The following PRDM15 variants were observed in gnomAD, a reference collection of about 807,000 sequenced individuals.
PRDM15 encodes the protein PR/SET domain 15, also known as PR domain zinc finger protein 15.
PRDM15 carries 64 observed loss-of-function variants against 128.6 expected under a neutral mutation model. That is an observed-to-expected ratio of 0.50 (90% CI 0.41 to 0.61). The LOEUF is 0.61. Ranked by LOEUF, PRDM15 falls within the 20% of genes least tolerant of loss-of-function variation. The pLI, the probability that PRDM15 is intolerant of heterozygous loss-of-function variation, is 0.00. For missense variants in PRDM15, 1,242 were observed against 1,569.1 expected (o/e 0.79, Z 3.52); for synonymous variants, 615 against 621.8 (o/e 0.99, Z 0.16).
chr21:41,800,225 C>G lies in PRDM15; in HGVS notation c.*1015G>C, dbSNP rs935888058. ...TAAACAGAAGGAAAATATGACTTTTCCCCCGTTTCTTCCACTCGGGATTCT... is the reference window on the plus strand; with the variant it reads ...TAAACAGAAGGAAAATATGACTTTTGCCCCGTTTCTTCCACTCGGGATTCT... On this transcript the variant is annotated 3_prime_UTR_variant, in exon 24 of 24. Transcript: ENST00000398548. 6.6e-6 allele frequency: 1 copy of G among 152,232 alleles called. No homozygotes were observed. Among genetic ancestry groups the G allele is most frequent in the Non-Finnish European group, 1.5e-5 (1 of 68,046 alleles). 9.4% of individuals were successfully genotyped at this position (152,232 alleles called of 1,614,324 possible).
Position 41,879,334 on chromosome 21 carries a change from T to C in PRDM15, c.-74A>G, listed in dbSNP as rs200507287. 2.9e-4 allele frequency: 319 copies of C among 1,089,200 alleles called. No individual in the cohort carries two copies. The African/African-American group carries it at 5.0e-3, about 17-fold the overall frequency. 67.5% of individuals were successfully genotyped at this position (1,089,200 alleles called of 1,614,324 possible). A position where few individuals can be genotyped will look rare whatever the true frequency, so the allele number is the denominator to read the frequency against. On this transcript the variant is annotated 5_prime_UTR_variant, in exon 1 of 24. Coordinates refer to ENST00000398548, the MANE Select transcript of PRDM15 (RefSeq NM_001040424.3). This position sits in a 1 kb window ranked among gnomAD's most constrained non-coding sequence, Gnocchi z 5.1. The stretch of plus-strand genomic sequence containing the variant: ...CCGGGTTGCGATCCGCTCCGGAAAC[T>C]GCGCAGCACCGGAAGCCGGGGGGCG...
intron 13 of PRDM15, among the ~76,000 whole-genome samples, chr21:41,823,813 A>G (rs1244017787): frequency 6.6e-6 from 1 of 152,250 alleles, no homozygotes; most frequent in Non-Finnish European, 1.5e-5. Context: ...GAAAGGAGAT[A>G]TCAAAAAAGA....
chr21:41,810,434 C>T lies in PRDM15; in HGVS notation c.2477-105G>A. On this transcript the variant is annotated intron_variant, in intron 20 of 23. Transcript: ENST00000398548. This position sits in a 1 kb window ranked among gnomAD's most constrained non-coding sequence, Gnocchi z 6.4. ...CTGGCCTGCTGGACGAGGCAAGAAG[C>T]CTGTCACGCCCCGCCCATCCTGAGA... The T allele has an allele frequency of 2.3e-6, 3 of 1,296,476 alleles. No individual in the cohort carries two copies. Among genetic ancestry groups the T allele is most frequent in the East Asian group, 2.5e-5 (1 of 39,948 alleles). 80.3% of individuals were successfully genotyped at this position (1,296,476 alleles called of 1,614,324 possible). A position where few individuals can be genotyped will look rare whatever the true frequency, so the allele number is the denominator to read the frequency against.
chr21:41,853,064 C>G (rs1422387523), intron 5 of PRDM15, among the ~76,000 whole-genome samples: 1 of 152,252 alleles, frequency 6.6e-6, no homozygotes, highest in Non-Finnish European at 1.5e-5. Flanking sequence ...CCTCAGGGTG[C>G]CCAGAAGGGA....
rs547808827 is a variant in PRDM15 at position 41,807,493 on chromosome 21, TAC to T, written c.2652+2659_2652+2660del. ...CTCAGACAGCCAGGCCTCACTGCGGTACACACACAGCTACACAAAGCTGACCC... is the reference window on the plus strand; with the variant it reads ...CTCAGACAGCCAGGCCTCACTGCGGTACACACAGCTACACAAAGCTGACCC... On this transcript the variant is annotated intron_variant, in intron 21 of 23. Transcript: ENST00000398548. Among the ~76,000 whole-genome samples, 17 of 152,280 alleles carry T rather than the reference TAC, an allele frequency of 1.1e-4. No individual in the cohort carries two copies. The East Asian group carries it at 2.7e-3, about 24-fold the overall frequency.
intron 11 of PRDM15, among the ~76,000 whole-genome samples, chr21:41,833,176 A>G (rs2062754446): frequency 6.6e-6 from 1 of 152,228 alleles, no homozygotes; most frequent in South Asian, 2.1e-4. Context: ...ATTCCGTAGC[A>G]CAGTACTTAT....
intron 17 of PRDM15, 149 bp from the exon 18 acceptor site, chr21:41,819,850 G>C (rs2062189189): frequency 2.0e-6 from 2 of 1,022,416 alleles, no homozygotes; most frequent in East Asian, 5.2e-5. Context: ...GGCCTCCACA[G>C]AGCCCTCCCG....
In PRDM15 at chr21:41,828,766, C is replaced by T. The variant is rs913948401; in HGVS notation, c.1367-433G>A. ...CCAACCACCCGAGCAACTGACCACC[C>T]GACCAATGTGGCCGCCCCTGCCCCC... On this transcript the variant is annotated intron_variant, in intron 11 of 23. Coordinates refer to ENST00000398548, the MANE Select transcript of PRDM15 (RefSeq NM_001040424.3). This position sits in a 1 kb window ranked among gnomAD's most constrained non-coding sequence, Gnocchi z 5.7. Among the ~76,000 whole-genome samples the T allele has an allele frequency of 2.0e-5, 3 of 150,836 alleles. No homozygotes were observed. The highest frequency in any genetic ancestry group is 4.9e-5 in the African/African-American group (2 of 40,974).
At chr21:41,843,827 T>C (rs2063145704) in intron 6 of PRDM15, among the ~76,000 whole-genome samples, 1 of 152,028 alleles carries the variant, frequency 6.6e-6, no homozygotes, top group South Asian at 2.1e-4. Flanking sequence ...CATTCACCTG[T>C]AGTTCCAGCT....
In PRDM15 at chr21:41,859,157, C is replaced by T. The variant is rs1177112801; in HGVS notation, c.131+435G>A. 6.2e-7 allele frequency: 1 copy of T among 1,613,884 alleles called. No individual in the cohort carries two copies. The highest frequency in any genetic ancestry group is 1.7e-5 in the Admixed American group (1 of 60,020). ...TTCTGGAAGCTGCTGTGGGTCAGCC[C>T]TGTCCCTGTCCTCATAACCCCGCAT... On this transcript the variant is annotated intron_variant, in intron 3 of 23. Transcript: ENST00000398548. This position sits in a 1 kb window ranked among gnomAD's most constrained non-coding sequence, Gnocchi z 5.3.
intron 1 of PRDM15, chr21:41,878,643 C>A: frequency 1.7e-6 from 2 of 1,159,896 alleles, no homozygotes; most frequent in Admixed American, 2.6e-5. Context: ...TTCTCTCTGC[C>A]ACCAAAAGGC....
rs1003584346 is a variant in PRDM15, at chr21:41,828,552, G to A, written c.1367-219C>T. 1.3e-5 allele frequency among the ~76,000 whole-genome samples: 2 copies of A among 151,754 alleles called. No individual in the cohort carries two copies. Among genetic ancestry groups the A allele is most frequent in the East Asian group, 2.0e-4 (1 of 5,112 alleles). ...ACCCCGGTGCTTGAAAAGCAGACAC[G>A]GAGCTCACCTTTCATCACCAAGCAA... is the stretch of plus-strand genomic sequence containing the variant. On this transcript the variant is annotated intron_variant, in intron 11 of 23. Transcript: ENST00000398548. The surrounding 1 kb of genome is among the most constrained non-coding windows in gnomAD (Gnocchi z 5.7).
rs1374431762 is a variant in PRDM15 at position 41,821,983 on chromosome 21, T to C, written c.1816A>G (p.Ile606Val). The C allele has an allele frequency of 6.2e-7, 1 of 1,614,196 alleles. No individual in the cohort carries two copies. Among genetic ancestry groups the C allele is most frequent in the Non-Finnish European group, 8.5e-7 (1 of 1,180,032 alleles). Residue 606 changes from isoleucine (I) to valine (V), a missense_variant, in exon 15 of 24, where the codon ATC (isoleucine) becomes GTC (valine). Physicochemically the swap from Ile to Val is conservative, Grantham distance 29. Coordinates refer to ENST00000398548, the MANE Select transcript of PRDM15 (RefSeq NM_001040424.3). The surrounding 1 kb of genome is among the most constrained non-coding windows in gnomAD (Gnocchi z 5.4). ...QREEFIGKIGISSEENDDNSD... is the reference protein window; with the variant it reads ...QREEFIGKIGVSSEENDDNSD... ...TTGTCATCGTTTTCTTCCGAGGAGA[T>C]CCCGATCTTGCCGATAAACTCTTCC...
intron 12 of PRDM15, among the ~76,000 whole-genome samples, chr21:41,827,751 T>C (rs2062520031): frequency 2.0e-5 from 3 of 152,234 alleles, no homozygotes; most frequent in African/African-American, 7.2e-5. Context: ...AAAAGGTGTA[T>C]GAAGGGCTGC....
intron 1 of PRDM15, chr21:41,878,774 G>A (rs2064518418): frequency 6.9e-7 from 1 of 1,446,764 alleles, no homozygotes; most frequent in Non-Finnish European, 9.2e-7. Flanking sequence ...ACCCGAGGGC[G>A]GGGGATAACG....
Position 41,879,245 on chromosome 21 carries a change from G to C in PRDM15, c.-10+25C>G, listed in dbSNP as rs141709929. 0.28 allele frequency: 254,404 copies of C among 912,380 alleles called. 36,870 individuals carry two copies. Among genetic ancestry groups the C allele is most frequent in the East Asian group, 0.34 (2,990 of 8,914 alleles). The allele number at this position is 912,380 out of a possible 1,614,324, so 56.5% of individuals were successfully genotyped here. On this transcript the variant is annotated intron_variant, in intron 1 of 23. Transcript: ENST00000398548. The surrounding 1 kb of genome is among the most constrained non-coding windows in gnomAD (Gnocchi z 5.1). ...GGCGGGGCGCACGCCGGGGCGGGCG[G>C]CGGGCGCAGGGCCCGGAGCTTTACC...
At chr21:41,802,401 G>A (rs1049711809) in intron 23 of PRDM15, among the ~76,000 whole-genome samples, 2 of 152,108 alleles carry the variant, frequency 1.3e-5, no homozygotes, top group Non-Finnish European at 2.9e-5. Flanking sequence ...AGGGCACTTG[G>A]GTAGGCCACC....
At position 41,861,667 on chromosome 21, in the gene PRDM15, C is replaced by A. The variant is rs369386945; in HGVS notation, c.-9-1295G>T. 2.3e-5 allele frequency: 37 copies of A among 1,614,146 alleles called. 2 individuals are homozygous for A. The highest frequency in any genetic ancestry group is 1.1e-4 in the East Asian group (5 of 44,880). On this transcript the variant is annotated intron_variant, in intron 1 of 23. Transcript: ENST00000398548. ...GAATGCTGATTCCACACGCCCTCCACCCCGCTCATCCCCAGCAGCTTGAAG... is the reference window on the plus strand; with the variant it reads ...GAATGCTGATTCCACACGCCCTCCAACCCGCTCATCCCCAGCAGCTTGAAG...
chr21:41,813,718 G>T (rs1358603156), intron 19 of PRDM15: 1 of 152,568 alleles, frequency 6.6e-6, no homozygotes, highest in Non-Finnish European at 1.5e-5. Context: ...ATTGCGCAGG[G>T]TGCTTTAGTG....
Sources: gnomAD v4.1 joint callset for allele counts (sites outside exome capture counted in the v4.1 genomes callset) on GRCh38, gnomAD v4.1.1 for gene constraint, Gnocchi (gnomAD v3.1) non-coding constraint, MANE v1.5 for transcripts, NCBI Gene and HGNC (gene_info 2026-07-23, HGNC 2026-07-21) for gene names.